FCGRT: variants seen among roughly 807,000 people sequenced by gnomAD.
FCGRT encodes the protein IgG receptor FcRn large subunit p51.
Under a neutral mutation model 35.7 loss-of-function variants are expected in FCGRT, and 13 were observed. The ratio of observed to expected loss-of-function variants is 0.36; its 90% confidence interval spans 0.24 to 0.58. FCGRT has a LOEUF of 0.58. Ranked by LOEUF, FCGRT falls within the 20% of genes least tolerant of loss-of-function variation. The pLI, the probability that FCGRT is intolerant of heterozygous loss-of-function variation, is 0.77. For missense variants in FCGRT, 455 were observed against 474.9 expected (o/e 0.96, Z 0.39); for synonymous variants, 233 against 216.5 (o/e 1.08, Z -0.67).
Position 49,524,895 on chromosome 19 carries a change from C to A in FCGRT, c.871+119C>A, listed in dbSNP as rs561261378. 2.8e-5 allele frequency: 29 copies of A among 1,044,736 alleles called. No individual in the cohort carries two copies. In the South Asian group the frequency reaches 3.9e-4, roughly 14 times the overall value. 64.7% of individuals were successfully genotyped at this position (1,044,736 alleles called of 1,614,324 possible). A position where few individuals can be genotyped will look rare whatever the true frequency, so the allele number is the denominator to read the frequency against. ...GCTGCCACCTCCTTGAATCTGACTG[C>A]CTTGAACCTCACGCCTGTCAGTGCC... On this transcript the variant is annotated intron_variant, in intron 5 of 6. Coordinates refer to ENST00000221466, the MANE Select transcript of FCGRT (RefSeq NM_001136019.3).
intron 4 of FCGRT, among the ~76,000 whole-genome samples, chr19:49,522,626 A>C (rs905973026): frequency 1.3e-5 from 2 of 148,276 alleles, no homozygotes; most frequent in Admixed American, 6.7e-5. Flanking sequence ...TAGAGATGGG[A>C]TTTCACCATG....
chr19:49,525,576 G>C lies in FCGRT; in HGVS notation c.988+3G>C, dbSNP rs760174728. ...AAGGATGAGGAGTGGGCTGCCAGGT[G>C]GGGGGCAGCGGGAGGAAGAGCCTCT... On this transcript the variant is annotated splice_donor_region_variant and intron_variant, in intron 6 of 6. Transcript: ENST00000221466. 5 of 1,589,598 alleles carry C rather than the reference G, an allele frequency of 3.1e-6. No homozygotes were observed. The highest frequency in any genetic ancestry group is 2.2e-5 in the East Asian group (1 of 44,734).
At chr19:49,524,436 T>C (rs928071411) in intron 4 of FCGRT, 71 bp from the exon 5 acceptor site, 2 of 1,517,122 alleles carry the variant, frequency 1.3e-6, no homozygotes, top group African/African-American at 2.8e-5. Flanking sequence ...GGCCTCTTTC[T>C]GTCCCTATCC....
At chr19:49,517,019 A>T (rs2080011587) in intron 4 of FCGRT, among the ~76,000 whole-genome samples, 2 of 151,850 alleles carry the variant, frequency 1.3e-5, no homozygotes. Context: ...GTAAGACCGC[A>T]TCTCTACTAA....
At chr19:49,514,691 C>CT (rs559894159) in intron 4 of FCGRT, among the ~76,000 whole-genome samples, 8,034 of 137,030 alleles carry the variant, frequency 0.059, 610 homozygotes, top group African/African-American at 0.17. Flanking sequence ...TCCTTGCCTT[C>CT]TTTTTTTTTT....
chr19:49,525,400 C>G (rs2080068299), intron 5 of FCGRT, 57 bp from the exon 6 acceptor site: 2 of 1,324,478 alleles, frequency 1.5e-6, no homozygotes, highest in African/African-American at 2.9e-5. Context: ...AGTTCTGTGT[C>G]CTGACTGGGT....
At chr19:49,525,164 T>G (rs1484131396) in intron 5 of FCGRT, 9 of 506,202 alleles carry the variant, frequency 1.8e-5, no homozygotes, top group South Asian at 1.5e-4. Flanking sequence ...CCCGGGCCCA[T>G]GAGACTGACT....
At position 49,514,853 on chromosome 19, in the gene FCGRT, C is replaced by T. The variant is rs571350795; in HGVS notation, c.601+367C>T. On this transcript the variant is annotated intron_variant, in intron 4 of 6. Coordinates refer to ENST00000221466, the MANE Select transcript of FCGRT (RefSeq NM_001136019.3). The stretch of plus-strand genomic sequence containing the variant: ...GATTACAGGCATGCACCACCATGCC[C>T]GGCTAATTTTGTATTTTTAGTAGAG... Among the ~76,000 whole-genome samples, 355 of 151,632 alleles carry T rather than the reference C, an allele frequency of 2.3e-3. 1 individual carries two copies. The highest frequency in any genetic ancestry group is 1.8e-3 in the Non-Finnish European group (123 of 67,816).
chr19:49,513,003 G>GGGAGGAGC (rs1380704319), intron 1 of FCGRT, among the ~76,000 whole-genome samples: 2 of 134,318 alleles, frequency 1.5e-5, no homozygotes, highest in Admixed American at 7.3e-5. Context: ...CTGGGTCCGA[G>GGGAGGAGC]GGTAGAGCGG....
At chr19:49,523,171 A>T (rs2080052522) in intron 4 of FCGRT, among the ~76,000 whole-genome samples, 1 of 152,012 alleles carries the variant, frequency 6.6e-6, no homozygotes, top group Non-Finnish European at 1.5e-5. Context: ...TGGCCTGAAG[A>T]GTTAGTGTAG....
intron 4 of FCGRT, among the ~76,000 whole-genome samples, chr19:49,520,148 T>TG (rs58206900): frequency 7.2e-6 from 1 of 138,716 alleles, no homozygotes; most frequent in East Asian, 2.1e-4. Context: ...TTTTTTTTTT[T>TG]GAGAGGGCGT....
At chr19:49,514,534 T>G in intron 4 of FCGRT, 48 bp downstream of exon 4, 1 of 1,485,836 alleles carries the variant, frequency 6.7e-7, no homozygotes. Context: ...TCTCCCGTCA[T>G]GCCCACCTGC....
At chr19:49,517,725 C>T (rs958113191) in intron 4 of FCGRT, among the ~76,000 whole-genome samples, 6 of 152,144 alleles carry the variant, frequency 3.9e-5, no homozygotes, top group African/African-American at 1.2e-4. Context: ...GAGATGGAGT[C>T]TCACTCTGTC....
intron 2 of FCGRT, 166 bp from the exon 3 acceptor site, chr19:49,513,714 GTC>G (rs139316391): frequency 1.4e-3 from 745 of 526,554 alleles, no homozygotes; most frequent in South Asian, 1.9e-3. Context: ...TGGGTCTCTT[GTC>G]TCTCTCTCTC....
chr19:49,524,513 C>G lies in FCGRT; in HGVS notation c.608C>G (p.Pro203Arg), dbSNP rs780596384. The change falls in exon 5 of 7, where the codon CCC (proline) becomes CGC (arginine). Residue 203 changes from proline to arginine, a missense_variant. Physicochemically the swap from Pro to Arg is moderately radical, Grantham distance 103. This residue lies in a region of FCGRT where 312 missense variants were observed against 296.1 expected (regional missense o/e 1.05). Coordinates refer to ENST00000221466, the MANE Select transcript of FCGRT (RefSeq NM_001136019.3). ...GRGNLEWKEPPSMRLKARPSS... is the reference protein window; with the variant it reads ...GRGNLEWKEPRSMRLKARPSS... The stretch of plus-strand genomic sequence containing the variant: ...TCTGCCTGATTTCCTGCAGAGCCCC[C>G]CTCCATGCGCCTGAAGGCCCGACCC... The G allele has an allele frequency of 4.4e-6, 7 of 1,606,026 alleles. No homozygotes were observed. Among genetic ancestry groups the G allele is most frequent in the South Asian group, 1.1e-5 (1 of 90,952 alleles).
Position 49,525,515 on chromosome 19 carries a change from C to T in FCGRT, c.930C>T (p.Leu310=), listed in dbSNP as rs2080069455. The T allele has an allele frequency of 2.5e-6, 4 of 1,613,892 alleles. No homozygotes were observed. The highest frequency in any genetic ancestry group is 1.1e-5 in the South Asian group (1 of 91,056). Residue 310 remains leucine, a synonymous_variant, in exon 6 of 7, where the codon CTC becomes CTT. Coordinates refer to ENST00000221466, the MANE Select transcript of FCGRT (RefSeq NM_001136019.3). The part of the protein sequence containing the change: ...VVGIVIGVLL[L]TAAAVGGALL... Reference sequence around the variant, plus strand: ...GAATCGTCATCGGTGTCTTGCTACTCACGGCAGCGGCTGTAGGAGGAGCTC... The same window carrying T: ...GAATCGTCATCGGTGTCTTGCTACTTACGGCAGCGGCTGTAGGAGGAGCTC...
In FCGRT at chr19:49,525,587, G is replaced by A; in HGVS notation, c.988+14G>A. 2 of 1,564,564 alleles carry A rather than the reference G, an allele frequency of 1.3e-6. No homozygotes were observed. The highest frequency in any genetic ancestry group is 2.7e-5 in the African/African-American group (2 of 74,056). On this transcript the variant is annotated intron_variant, in intron 6 of 6. Transcript: ENST00000221466. ...GTGGGCTGCCAGGTGGGGGGCAGCG[G>A]GAGGAAGAGCCTCTGAGAGAGGGAC...
intron 4 of FCGRT, among the ~76,000 whole-genome samples, chr19:49,523,420 AC>A (rs920236653): frequency 6.6e-6 from 1 of 151,912 alleles, no homozygotes; most frequent in Non-Finnish European, 1.5e-5. Context: ...TAAAAAAATT[AC>A]CCGGCATGGT....
At position 49,526,160 on chromosome 19, in the gene FCGRT, C is replaced by A; in HGVS notation, c.*41C>A. Reference sequence around the variant, plus strand: ...ACTGCTAAAAGCGAATGTAGTCAGGCCCCTTTCATGCTGTGAGACCTCCTG... The same window carrying A: ...ACTGCTAAAAGCGAATGTAGTCAGGACCCTTTCATGCTGTGAGACCTCCTG... On this transcript the variant is annotated 3_prime_UTR_variant, in exon 7 of 7. Transcript: ENST00000221466. 3 of 1,333,544 alleles carry A rather than the reference C, an allele frequency of 2.2e-6. No individual in the cohort carries two copies. The highest frequency in any genetic ancestry group is 3.2e-6 in the Non-Finnish European group (3 of 925,628). 82.6% of individuals were successfully genotyped at this position (1,333,544 alleles called of 1,614,324 possible).
Sources: gnomAD v4.1 joint callset for allele counts (sites outside exome capture counted in the v4.1 genomes callset) on GRCh38, gnomAD v4.1.1 for gene constraint, gnomAD v4.1.1 regional missense constraint, MANE v1.5 for transcripts, NCBI Gene and HGNC (gene_info 2026-07-23, HGNC 2026-07-21) for gene names.